NWD1: variants seen among roughly 807,000 people sequenced by gnomAD.
The protein encoded by NWD1 is NACHT and WD repeat domain containing 1, also known as NACHT domain- and WD repeat-containing protein 1.
NWD1 carries 129 observed loss-of-function variants against 135.1 expected under a neutral mutation model. That is an observed-to-expected ratio of 0.96 (90% confidence interval 0.83 to 1.11). The LOEUF (loss-of-function observed/expected upper bound fraction) is 1.11. NWD1 is among the 50% of genes least tolerant of loss of function. The probability of loss-of-function intolerance (pLI) is 0.00; values close to 1 mark genes in which losing one functional copy is unlikely to be tolerated. For missense variants in NWD1, 1,740 were observed against 1,851.3 expected, an observed-to-expected ratio of 0.94 and a Z score of 1.10; for synonymous variants, 773 against 786.0, an observed-to-expected ratio of 0.98 and a Z score of 0.28.
chr19:16,726,058 G>C (rs1193621146), intron 2 of NWD1, among the ~76,000 whole-genome samples: 1 of 151,834 alleles, frequency 6.6e-6, no homozygotes, highest in Non-Finnish European at 1.5e-5. Flanking sequence ...TGCCTCCCAG[G>C]TTCAAGTGAT....
Position 16,749,566 on chromosome 19 carries a change from C to A in NWD1, c.924C>A (p.Val308=). ...IRHHLWQSSE[V]IQTFCGRQEL... is the part of the protein sequence containing the mutation. The stretch of plus-strand genomic sequence containing the variant: ...ACCACCTTTGGCAGAGCTCGGAGGT[C>A]ATTCAGACCTTCTGCGGACGCCAGG... The change falls in exon 6 of 19, where the codon GTC becomes GTA. Residue 308 remains valine, a synonymous_variant. Transcript: ENST00000524140. 1 of 1,613,376 alleles carries A rather than the reference C, an allele frequency of 6.2e-7. No homozygotes were observed. The highest frequency in any genetic ancestry group is 1.1e-5 in the South Asian group (1 of 91,054).
chr19:16,799,856 C>G (rs371595131), intron 16 of NWD1, 30 bp from the exon 17 acceptor site: 129 of 1,557,794 alleles, frequency 8.3e-5, no homozygotes, highest in Non-Finnish European at 1.1e-4. Flanking sequence ...CAGAAGATGT[C>G]AGATCTGCCC....
At chr19:16,726,088 G>C (rs868540858) in intron 2 of NWD1, among the ~76,000 whole-genome samples, 2 of 151,348 alleles carry the variant, frequency 1.3e-5, no homozygotes, top group African/African-American at 4.9e-5. Flanking sequence ...TCAGCCTCCG[G>C]AGTAGCTAGG....
chr19:16,756,876 A>G lies in NWD1; in HGVS notation c.1770-2349A>G, dbSNP rs192302892. Among the ~76,000 whole-genome samples, 5 of 152,264 alleles carry G rather than the reference A, an allele frequency of 3.3e-5. No homozygotes were observed. The East Asian group carries it at 9.7e-4, about 29-fold the overall frequency. ...CCCGAGCTCCCCCTCTTGTCAGGTC[A>G]GCAGCATCATTAGATTCTCATAAGA... is the stretch of plus-strand genomic sequence containing the variant. On this transcript the variant is annotated intron_variant, in intron 6 of 18. Transcript: ENST00000524140.
intron 6 of NWD1, among the ~76,000 whole-genome samples, chr19:16,753,071 T>C (rs919572555): frequency 6.6e-6 from 1 of 152,206 alleles, no homozygotes; most frequent in Non-Finnish European, 1.5e-5. Flanking sequence ...TCTGTTGAAG[T>C]TGACTTGGAG....
chr19:16,778,941 C>CAG (rs751401180), intron 11 of NWD1, among the ~76,000 whole-genome samples: 2 of 152,174 alleles, frequency 1.3e-5, no homozygotes, highest in Non-Finnish European at 2.9e-5. Context: ...ATGGGGTTGT[C>CAG]ATGCGTTGCT....
chr19:16,788,561 C>A (rs916998479), intron 12 of NWD1, among the ~76,000 whole-genome samples: 26 of 123,134 alleles, frequency 2.1e-4, no homozygotes, highest in African/African-American at 9.1e-4. Flanking sequence ...AGAGAGAGTC[C>A]GTCAAAAAAA....
At chr19:16,725,741 T>TG (rs1967303548) in intron 2 of NWD1, among the ~76,000 whole-genome samples, 1 of 151,546 alleles carries the variant, frequency 6.6e-6, no homozygotes, top group Non-Finnish European at 1.5e-5. Context: ...TTAGTAGAGA[T>TG]GGGGTTTCAC....
At chr19:16,787,063 T>C (rs1970063575) in intron 12 of NWD1, among the ~76,000 whole-genome samples, 1 of 152,204 alleles carries the variant, frequency 6.6e-6, no homozygotes, top group Non-Finnish European at 1.5e-5. Context: ...AGTTGGTCAG[T>C]TTTTCCCCTT....
At position 16,789,190 on chromosome 19, in the gene NWD1, G is replaced by A; in HGVS notation, c.2940G>A (p.Lys980=). The change falls in exon 13 of 19, where the codon AAG becomes AAA. Residue 980 remains lysine (K), a splice_region_variant and synonymous_variant. Transcript: ENST00000524140. ...HKVVYSASGS[K]INAWNLETAE... ...TTGTGTATTCAGCATCTGGCTCAAA[G>A]GTAACAAACATATGCCCTGTTTGTA... 1 of 1,611,354 alleles carries A rather than the reference G, an allele frequency of 6.2e-7. No homozygotes were observed.
chr19:16,744,404 G>T lies in NWD1; in HGVS notation c.199-17G>T. Reference sequence around the variant, plus strand: ...GAAAAAAAGTGAGATTTGAATCTGTGACTTCCTCTCTGCCAGGCCCTCATC... The same window carrying T: ...GAAAAAAAGTGAGATTTGAATCTGTTACTTCCTCTCTGCCAGGCCCTCATC... On this transcript the variant is annotated splice_polypyrimidine_tract_variant and intron_variant, in intron 4 of 18. Transcript: ENST00000524140. 1 of 1,534,912 alleles carries T rather than the reference G, an allele frequency of 6.5e-7. No homozygotes were observed. The highest frequency in any genetic ancestry group is 1.2e-5 in the South Asian group (1 of 83,996).
chr19:16,803,201 C>T (rs1047500266), intron 17 of NWD1, among the ~76,000 whole-genome samples: 1 of 152,140 alleles, frequency 6.6e-6, no homozygotes, highest in African/African-American at 2.4e-5. Context: ...CTCCATGATT[C>T]AATTATCTCC....
Position 16,762,022 on chromosome 19 carries a change from G to T in NWD1, c.2017G>T (p.Glu673Ter). Residue 673 changes from glutamate to a stop codon, truncating the protein, a stop_gained, in exon 8 of 19, where the codon GAG becomes TAG. Transcript: ENST00000524140. LOFTEE classifies it high-confidence loss of function. ...CCGTGAGCGCTACCTGTCAGGATCC[G>T]AGAGAGCCAAGAGGCATGGCGTCCT... Reference protein sequence around the residue: ...VVRERYLSGSERAKRHGVLAD... With the variant: ...VVRERYLSGS The T allele has an allele frequency of 6.2e-7, 1 of 1,614,070 alleles. No individual in the cohort carries two copies. Among genetic ancestry groups the T allele is most frequent in the South Asian group, 1.1e-5 (1 of 91,072 alleles).
Position 16,721,864 on chromosome 19 carries a change from A to C in NWD1, c.-105+1571A>C, listed in dbSNP as rs149893626. On this transcript the variant is annotated intron_variant, in intron 1 of 18. Coordinates refer to ENST00000524140, the MANE Select transcript of NWD1 (RefSeq NM_001007525.5). ...GGTGGCTCATGCCTCTAATCCCAGC[A>C]CTTTGGGAGGCTGAGGCAGGAGGAT... 5.0e-3 allele frequency among the ~76,000 whole-genome samples: 760 copies of C among 152,260 alleles called. 6 individuals carry two copies. Among genetic ancestry groups the C allele is most frequent in the African/African-American group, 0.017 (710 of 41,554 alleles).
chr19:16,739,341 A>C, intron 4 of NWD1, among the ~76,000 whole-genome samples: 1 of 150,020 alleles, frequency 6.7e-6, no homozygotes, highest in Non-Finnish European at 1.5e-5. Context: ...AAAAAAAAAA[A>C]AAAAAAAAAA....
intron 18 of NWD1, among the ~76,000 whole-genome samples, chr19:16,810,832 C>G (rs1307233740): frequency 6.6e-6 from 1 of 152,088 alleles, no homozygotes; most frequent in Admixed American, 6.6e-5. Context: ...ATTAAACTGT[C>G]AACCTTATGG....
intron 2 of NWD1, among the ~76,000 whole-genome samples, 186 bp from the exon 3 acceptor site, chr19:16,731,006 G>C (rs1967537663): frequency 6.6e-6 from 1 of 150,880 alleles, no homozygotes; most frequent in South Asian, 2.1e-4. Flanking sequence ...CACTTTGGGA[G>C]GCAGAGGAGA....
rs142324562 is a variant in NWD1 at position 16,809,664 on chromosome 19, C to T, written c.4287+1528C>T. ...CTGCCTCCCGGGTTTATGCCATTCT[C>T]CTGCCTCAGCCTCCCGAGTAGCTGG... On this transcript the variant is annotated intron_variant, in intron 18 of 18. Transcript: ENST00000524140. 4.4e-3 allele frequency among the ~76,000 whole-genome samples: 669 copies of T among 151,156 alleles called. 3 individuals are homozygous for T. Among genetic ancestry groups the T allele is most frequent in the African/African-American group, 0.015 (604 of 41,190 alleles).
At chr19:16,790,632 TAA>T (rs57075970) in intron 13 of NWD1, among the ~76,000 whole-genome samples, 3 of 47,398 alleles carry the variant, frequency 6.3e-5, no homozygotes, top group African/African-American at 2.0e-4. Flanking sequence ...AAAGTAACAT[TAA>T]AAAAAAATAA....
Sources: gnomAD v4.1 joint callset for allele counts (sites outside exome capture counted in the v4.1 genomes callset) on GRCh38, gnomAD v4.1.1 for gene constraint, MANE v1.5 for transcripts, NCBI Gene and HGNC (gene_info 2026-07-23, HGNC 2026-07-21) for gene names.